Variants in ZNF469 observed in about 807,000 individuals in gnomAD.
ZNF469 encodes zinc finger protein 469.
In ZNF469, 1 loss-of-function variant was observed where a neutral mutation model predicts 1.0. The ratio of observed to expected loss-of-function variants is 1.00; its 90% CI spans 0.35 to 4.73. The LOEUF is 4.73. ZNF469 is among the 30% of genes most tolerant of loss of function. The probability of loss-of-function intolerance (pLI) is 0.16; values close to 1 mark genes in which losing one functional copy is unlikely to be tolerated. For synonymous variants in ZNF469, 2,703 were observed against 2,363.4 expected, an observed-to-expected ratio of 1.14 and a Z score of -4.17; for missense variants, 6,100 against 5,356.3, an observed-to-expected ratio of 1.14 and a Z score of -4.33.
rs1403428109 is a variant in ZNF469, at chr16:88,428,660, C to T, written c.1190C>T (p.Pro397Leu). 1 of 1,549,926 alleles carries T rather than the reference C, an allele frequency of 6.5e-7. No homozygotes were observed. The highest frequency in any genetic ancestry group is 1.4e-5 in the African/African-American group (1 of 73,024). The change falls in exon 3 of 3, where the codon CCC (proline) becomes CTC (leucine). Residue 397 changes from proline to leucine, a missense_variant. Pro to Leu is a moderately conservative substitution (Grantham distance 98, BLOSUM62 -3). Transcript: ENST00000565624. ...GATGGGCTGGGGAGCACGAGAGGGC[C>T]CCCTAGCTCCCTACCCCAGAGGCAC... Reference protein sequence around the residue: ...AQDGLGSTRGPPSSLPQRHFP... With the variant: ...AQDGLGSTRGLPSSLPQRHFP...
intron 1 of ZNF469, among the ~76,000 whole-genome samples, chr16:88,397,117 G>C (rs534007209): frequency 3.3e-5 from 5 of 152,072 alleles, no homozygotes; most frequent in Non-Finnish European, 5.9e-5. Flanking sequence ...AGGCAAAGAC[G>C]CTCCTGCAGG....
the ZNF469 span, chr16:88,193,779 G>A: frequency 6.6e-6 from 1 of 152,246 alleles, no homozygotes. Context: ...TGGAGGCTGG[G>A]AAGTCCAAGA....
the ZNF469 span, among the ~76,000 whole-genome samples, chr16:88,277,580 C>T: frequency 3.1e-5 from 4 of 127,418 alleles, no homozygotes; most frequent in African/African-American, 9.6e-5. Context: ...TATCAGGGCA[C>T]GGTTAGTGCT....
At chr16:88,214,379 G>A in the ZNF469 span, among the ~76,000 whole-genome samples, 1 of 152,050 alleles carries the variant, frequency 6.6e-6, no homozygotes, top group African/African-American at 2.4e-5. Flanking sequence ...TTCCATATGA[G>A]GGGAGTCAGG....
the ZNF469 span, among the ~76,000 whole-genome samples, chr16:88,111,890 C>T: frequency 1.3e-5 from 2 of 152,204 alleles, no homozygotes; most frequent in East Asian, 1.9e-4. Context: ...CTGCCTTGGC[C>T]TCCCAAAGTG....
chr16:88,402,182 G>C (rs1904902353), intron 1 of ZNF469, among the ~76,000 whole-genome samples: 2 of 149,670 alleles, frequency 1.3e-5, no homozygotes, highest in Admixed American at 6.6e-5. Flanking sequence ...GGATGGGTGG[G>C]CGAATGGATG....
At chr16:88,101,982 G>C in the ZNF469 span, among the ~76,000 whole-genome samples, 4 of 152,260 alleles carry the variant, frequency 2.6e-5, no homozygotes, top group East Asian at 7.7e-4. Flanking sequence ...CTCCAGGAGG[G>C]GACTTAAGCG....
chr16:88,133,076 C>A, the ZNF469 span, among the ~76,000 whole-genome samples: 1 of 152,202 alleles, frequency 6.6e-6, no homozygotes, highest in Non-Finnish European at 1.5e-5. Context: ...CGGGGGGCTG[C>A]CCTTCTTGTG....
At chr16:88,334,114 C>G in the ZNF469 span, among the ~76,000 whole-genome samples, 2 of 151,470 alleles carry the variant, frequency 1.3e-5, no homozygotes, top group African/African-American at 2.4e-5. Context: ...GTCTGTGTGT[C>G]TGTGTCTGTG....
At chr16:88,197,822 T>A in the ZNF469 span, among the ~76,000 whole-genome samples, 1 of 152,198 alleles carries the variant, frequency 6.6e-6, no homozygotes, top group African/African-American at 2.4e-5. Flanking sequence ...CCATGCGGGC[T>A]TCTCCATGGG....
At chr16:88,214,552 C>T in the ZNF469 span, among the ~76,000 whole-genome samples, 7 of 151,814 alleles carry the variant, frequency 4.6e-5, no homozygotes, top group Non-Finnish European at 7.4e-5. Context: ...CAGTGCAGAA[C>T]GTGCAGGTTT....
At chr16:88,378,954 C>A (rs2092515034), upstream of ZNF469, among the ~76,000 whole-genome samples, 1 of 152,238 alleles carries the variant, frequency 6.6e-6, no homozygotes, top group African/African-American at 2.4e-5. Flanking sequence ...AGGGGTGCGG[C>A]CTTGCTCTCA....
At chr16:88,383,287 G>A (rs1195086735) in intron 1 of ZNF469, among the ~76,000 whole-genome samples, 33 bp downstream of exon 1, 1 of 147,156 alleles carries the variant, frequency 6.8e-6, no homozygotes, top group African/African-American at 2.4e-5. Context: ...GGCGCGCGCG[G>A]TGCCTGGGGA....
At chr16:88,305,623 TGCACACACATTCTCACAG>T in the ZNF469 span, among the ~76,000 whole-genome samples, 1 of 145,838 alleles carries the variant, frequency 6.9e-6, no homozygotes, top group Non-Finnish European at 1.5e-5. Flanking sequence ...CACCCTCACG[TGCACACACATTCTCACAG>T]GCACACACGC....
At chr16:88,244,641 G>A in the ZNF469 span, among the ~76,000 whole-genome samples, 2 of 149,750 alleles carry the variant, frequency 1.3e-5, no homozygotes, top group African/African-American at 5.0e-5. Context: ...GGATGGGTTA[G>A]TAGATGCATG....
At chr16:88,189,078 A>T in the ZNF469 span, among the ~76,000 whole-genome samples, 1 of 152,140 alleles carries the variant, frequency 6.6e-6, no homozygotes. The surrounding 1 kb of genome is among the most constrained non-coding windows in gnomAD (Gnocchi z 4.3). Flanking sequence ...CACTGAAAGG[A>T]CATTGCTTAT....
chr16:88,294,077 C>T, the ZNF469 span, among the ~76,000 whole-genome samples: 1 of 152,174 alleles, frequency 6.6e-6, no homozygotes, highest in Non-Finnish European at 1.5e-5. Flanking sequence ...GAGTCAGTGG[C>T]CTTTGTTGGA....
chr16:88,303,661 C>G, the ZNF469 span, among the ~76,000 whole-genome samples: 337 of 152,328 alleles, frequency 2.2e-3, 1 homozygote, highest in African/African-American at 7.9e-3. Context: ...GGCGGTGCCT[C>G]CACTCTCTTC....
At chr16:88,296,738 CACACACAT>C in the ZNF469 span, among the ~76,000 whole-genome samples, 9 of 149,760 alleles carry the variant, frequency 6.0e-5, no homozygotes, top group African/African-American at 2.3e-4. Context: ...GCTCCACCCA[CACACACAT>C]ACACAGGTGC....
Sources: allele counts gnomAD v4.1 joint callset (sites outside exome capture counted in the v4.1 genomes callset), GRCh38; gene constraint gnomAD v4.1.1; non-coding constraint Gnocchi (gnomAD v3.1); transcripts MANE v1.5; gene names NCBI Gene and HGNC (gene_info 2026-07-23, HGNC 2026-07-21).